GRAMD4: variants seen among roughly 807,000 people sequenced by gnomAD.
The protein encoded by GRAMD4 is GRAM domain-containing protein 4.
In GRAMD4, 25 loss-of-function variants were observed where a neutral mutation model predicts 83.9. The observed-to-expected ratio is 0.30, with a 90% CI of 0.22 to 0.42. The LOEUF (loss-of-function observed/expected upper bound fraction) is 0.42, where lower values mean the gene tolerates loss of function less well. Among genes scored for constraint, GRAMD4 ranks in the 10% least tolerant of loss-of-function variants. GRAMD4 has a pLI of 1.00. For synonymous variants in GRAMD4, 336 were observed against 320.9 expected (o/e 1.05, Z -0.50); for missense variants, 593 against 788.7 (o/e 0.75, Z 2.97).
At chr22:46,618,746 G>A (rs1321953112), upstream of GRAMD4, among the ~76,000 whole-genome samples, 1 of 152,190 alleles carries the variant, frequency 6.6e-6, no homozygotes, top group South Asian at 2.1e-4. The surrounding 1 kb of genome is among the most constrained non-coding windows in gnomAD (Gnocchi z 5.8). Flanking sequence ...GGCTGGGGTC[G>A]TGGGGAGAGG....
At chr22:46,611,996 CAAAAA>C (rs61392000) in intron 1 of GRAMD4, among the ~76,000 whole-genome samples, 8 of 50,158 alleles carry the variant, frequency 1.6e-4, no homozygotes, top group East Asian at 7.7e-4. Flanking sequence ...GACTCCATCT[CAAAAA>C]AAAAAAAAAA....
chr22:46,636,424 AGT>A (rs1159853244), intron 2 of GRAMD4, among the ~76,000 whole-genome samples: 1 of 152,212 alleles, frequency 6.6e-6, no homozygotes, highest in South Asian at 2.1e-4. Flanking sequence ...AGCAGCTGAA[AGT>A]GTGGGAGGTC....
chr22:46,652,945 AG>A (rs2082188330), intron 3 of GRAMD4, among the ~76,000 whole-genome samples: 1 of 152,208 alleles, frequency 6.6e-6, no homozygotes, highest in Non-Finnish European at 1.5e-5. Context: ...GCTGGTGGGC[AG>A]GAGGCAGGCC....
intron 1 of GRAMD4, among the ~76,000 whole-genome samples, chr22:46,578,902 G>A (rs936337044): frequency 5.9e-5 from 9 of 152,204 alleles, no homozygotes; most frequent in African/African-American, 1.7e-4. Flanking sequence ...AGTCCTCACC[G>A]TGCTGGGCTC....
chr22:46,600,658 C>T (rs552308105), intron 1 of GRAMD4, among the ~76,000 whole-genome samples: 30 of 152,230 alleles, frequency 2.0e-4, no homozygotes, highest in Admixed American at 2.6e-4. Context: ...TGCTAAGCCC[C>T]GGTCGCAGAG....
rs971471941 is a variant in GRAMD4, at chr22:46,672,781, C to T, written c.1085-62C>T. ...AGGTGGGAGGTGCCGGAACCATCAC[C>T]CTGAGTAGACTGGCATAGCTGCAGA... On this transcript the variant is annotated intron_variant, in intron 13 of 18. Coordinates refer to ENST00000406902, the MANE Select transcript of GRAMD4 (RefSeq NM_015124.5). The surrounding 1 kb of genome is among the most constrained non-coding windows in gnomAD (Gnocchi z 4.7). The T allele has an allele frequency of 1.4e-5, 20 of 1,386,078 alleles. No homozygotes were observed. Among genetic ancestry groups the T allele is most frequent in the Non-Finnish European group, 1.9e-5 (19 of 990,482 alleles). The allele number at this position is 1,386,078 out of a possible 1,614,324, so 85.9% of individuals were successfully genotyped here.
chr22:46,643,248 C>T (rs2082014705), intron 3 of GRAMD4, among the ~76,000 whole-genome samples: 1 of 148,804 alleles, frequency 6.7e-6, no homozygotes, highest in African/African-American at 2.4e-5. Context: ...TCTATCCATC[C>T]ATCCAACCAT....
intron 9 of GRAMD4, 112 bp downstream of exon 9, chr22:46,665,818 T>C (rs1235341050): frequency 9.2e-6 from 6 of 653,482 alleles, no homozygotes; most frequent in Non-Finnish European, 1.7e-5. Flanking sequence ...ACTGACGTTT[T>C]GGGGGTGGTC....
chr22:46,672,873 T>G lies in GRAMD4; in HGVS notation c.1115T>G (p.Ile372Ser), dbSNP rs367633187. The change falls in exon 14 of 19, where the codon ATT (isoleucine) becomes AGT (serine). Residue 372 changes from isoleucine (I) to serine (S), a missense_variant. By Grantham distance (142) the Ile-to-Ser change is moderately radical. Coordinates refer to ENST00000406902, the MANE Select transcript of GRAMD4 (RefSeq NM_015124.5). The surrounding 1 kb of genome is among the most constrained non-coding windows in gnomAD (Gnocchi z 4.7). The part of the protein sequence containing the change: ...GLYAGIKFFL[I>S]DFIFKRCPRL... ...TATGCTGGTATCAAGTTCTTCCTCA[T>G]TGATTTCATCTTTAAACGCTGCCCG... 1 of 1,612,944 alleles carries G rather than the reference T, an allele frequency of 6.2e-7. No homozygotes were observed. Among genetic ancestry groups the G allele is most frequent in the Non-Finnish European group, 8.5e-7 (1 of 1,179,678 alleles).
intron 13 of GRAMD4, among the ~76,000 whole-genome samples, chr22:46,669,724 C>T (rs1272288773): frequency 4.6e-5 from 7 of 151,874 alleles, no homozygotes; most frequent in Non-Finnish European, 1.0e-4. Context: ...TACAGGCACC[C>T]GCCACCACGC....
chr22:46,583,937 G>T (rs535135719), intron 1 of GRAMD4, among the ~76,000 whole-genome samples: 43 of 152,332 alleles, frequency 2.8e-4, no homozygotes, highest in African/African-American at 9.4e-4. Context: ...TGTCACTGAT[G>T]TGGCCTTCTT....
At chr22:46,636,653 G>A (rs1337086248) in intron 2 of GRAMD4, among the ~76,000 whole-genome samples, 1 of 152,248 alleles carries the variant, frequency 6.6e-6, no homozygotes, top group Non-Finnish European at 1.5e-5. Flanking sequence ...AAATCGGGTC[G>A]CTGCTGTCCT....
chr22:46,585,655 A>T (rs2081142460), intron 1 of GRAMD4, among the ~76,000 whole-genome samples: 1 of 152,154 alleles, frequency 6.6e-6, no homozygotes, highest in Non-Finnish European at 1.5e-5. Context: ...CACCTGAATG[A>T]TGCTTCTGCC....
chr22:46,668,868 C>T lies in GRAMD4; in HGVS notation c.1044C>T (p.Ala348=). 3 of 1,612,314 alleles carry T rather than the reference C, an allele frequency of 1.9e-6. No homozygotes were observed. Among genetic ancestry groups the T allele is most frequent in the Non-Finnish European group, 2.5e-6 (3 of 1,179,124 alleles). The stretch of plus-strand genomic sequence containing the variant: ...TGGCGCTCTGGGCTGCCTTCCTGGC[C>T]TCCTGCTTCTTCCCCTACCGCCTGG... The part of the protein sequence containing the change: ...LYVALWAAFL[A]SCFFPYRLVG... The change falls in exon 13 of 19, where the codon GCC becomes GCT. Residue 348 remains alanine (A), a synonymous_variant. Coordinates refer to ENST00000406902, the MANE Select transcript of GRAMD4 (RefSeq NM_015124.5).
intron 1 of GRAMD4, among the ~76,000 whole-genome samples, chr22:46,607,056 G>T (rs1375441036): frequency 6.6e-6 from 1 of 152,154 alleles, no homozygotes; most frequent in Non-Finnish European, 1.5e-5. Flanking sequence ...CTCTGCTGCC[G>T]ACCCCACCTC....
At chr22:46,624,390 G>A (rs918997711) in intron 1 of GRAMD4, among the ~76,000 whole-genome samples, 2 of 117,468 alleles carry the variant, frequency 1.7e-5, no homozygotes, top group African/African-American at 6.6e-5. Context: ...GTGCAATAGT[G>A]TGATCTTGGC....
intron 3 of GRAMD4, among the ~76,000 whole-genome samples, chr22:46,645,353 T>G (rs2082058361): frequency 6.6e-6 from 1 of 152,166 alleles, no homozygotes; most frequent in Non-Finnish European, 1.5e-5. Context: ...ATTCTGGTTG[T>G]CACTAAGCCA....
chr22:46,640,112 T>C (rs1358104051), intron 3 of GRAMD4, among the ~76,000 whole-genome samples: 1 of 152,316 alleles, frequency 6.6e-6, no homozygotes, highest in African/African-American at 2.4e-5. Flanking sequence ...CTGGAGAGCA[T>C]AGCTCAGCAG....
chr22:46,651,702 G>A (rs962182035), intron 3 of GRAMD4, among the ~76,000 whole-genome samples: 15 of 152,232 alleles, frequency 9.9e-5, no homozygotes, highest in East Asian at 3.9e-4. Context: ...TGTGGGCCAC[G>A]TGGGTGACTC....
Sources: gnomAD v4.1 joint callset for allele counts (sites outside exome capture counted in the v4.1 genomes callset) on GRCh38, gnomAD v4.1.1 for gene constraint, Gnocchi (gnomAD v3.1) non-coding constraint, MANE v1.5 for transcripts, NCBI Gene and HGNC (gene_info 2026-07-23, HGNC 2026-07-21) for gene names.